Variants in ROBO1 observed in about 807,000 individuals in gnomAD.
ROBO1 encodes the protein roundabout homolog 1.
A neutral mutation model predicts 195.9 loss-of-function variants in ROBO1; 149 were observed. The observed-to-expected ratio is 0.76, with a 90% CI of 0.67 to 0.87. ROBO1 has a LOEUF of 0.87. ROBO1 is among the 40% of genes least tolerant of loss of function. The pLI, the probability that ROBO1 is intolerant of heterozygous loss-of-function variation, is 0.00. For missense variants in ROBO1, 1,933 were observed against 2,068.3 expected (o/e 0.93, Z 1.27); for synonymous variants, 816 against 733.2 (o/e 1.11, Z -1.82).
chr3:78,999,051 A>C (rs1375401057), intron 3 of ROBO1, among the ~76,000 whole-genome samples: 1 of 152,122 alleles, frequency 6.6e-6, no homozygotes, highest in Non-Finnish European at 1.5e-5. Flanking sequence ...GGCTATTATT[A>C]AAGTCAAAAA....
chr3:79,067,437 G>C (rs1348155604), intron 3 of ROBO1, among the ~76,000 whole-genome samples: 2 of 151,888 alleles, frequency 1.3e-5, no homozygotes, highest in African/African-American at 4.8e-5. Flanking sequence ...TTATTGCATA[G>C]GCTAGTAAAA....
chr3:79,488,340 A>T (rs532946993), intron 2 of ROBO1, among the ~76,000 whole-genome samples: 1 of 152,282 alleles, frequency 6.6e-6, no homozygotes, highest in Non-Finnish European at 1.5e-5. Flanking sequence ...TCATCAGATC[A>T]TTTGAATACT....
At chr3:79,090,924 A>C (rs962536613) in intron 3 of ROBO1, among the ~76,000 whole-genome samples, 1 of 151,996 alleles carries the variant, frequency 6.6e-6, no homozygotes, top group Non-Finnish European at 1.5e-5. Flanking sequence ...AGTATGTTTT[A>C]TTTTTCTATT....
chr3:79,084,619 TG>T (rs1456440185), intron 3 of ROBO1, among the ~76,000 whole-genome samples: 6 of 152,226 alleles, frequency 3.9e-5, no homozygotes, highest in Non-Finnish European at 7.3e-5. Flanking sequence ...TCACAACAAA[TG>T]TATTTACATG....
At chr3:79,572,410 T>G (rs1204435844) in intron 2 of ROBO1, among the ~76,000 whole-genome samples, 2 of 152,052 alleles carry the variant, frequency 1.3e-5, no homozygotes, top group African/African-American at 4.8e-5. Flanking sequence ...AAATGTTAAA[T>G]TTTACCTGTA....
intron 1 of ROBO1, among the ~76,000 whole-genome samples, chr3:79,627,442 AG>A (rs1945212284): frequency 1.3e-5 from 2 of 152,190 alleles, no homozygotes; most frequent in African/African-American, 4.8e-5. Context: ...AAAACTGGCT[AG>A]CCATATGCAG....
At chr3:79,659,239 G>T (rs1322421410) in intron 1 of ROBO1, among the ~76,000 whole-genome samples, 1 of 151,880 alleles carries the variant, frequency 6.6e-6, no homozygotes, top group East Asian at 1.9e-4. Flanking sequence ...AAATTATTGA[G>T]ATTTCAATAG....
intron 2 of ROBO1, among the ~76,000 whole-genome samples, chr3:79,238,319 C>T (rs2082451839): frequency 6.6e-6 from 1 of 152,142 alleles, no homozygotes; most frequent in Non-Finnish European, 1.5e-5. Context: ...TCCCATCCTG[C>T]CTCCAAAGTC....
chr3:79,360,726 A>G (rs1358749350), intron 2 of ROBO1, among the ~76,000 whole-genome samples: 1 of 152,066 alleles, frequency 6.6e-6, no homozygotes, highest in African/African-American at 2.4e-5. Flanking sequence ...GCATAATGCC[A>G]TAAGAAACTT....
chr3:79,721,615 A>C (rs1702706851), intron 1 of ROBO1, among the ~76,000 whole-genome samples: 1 of 152,180 alleles, frequency 6.6e-6, no homozygotes, highest in African/African-American at 2.4e-5. Flanking sequence ...ATATCAAATG[A>C]TAGTGTCATC....
chr3:79,271,631 T>C (rs1210386241), intron 2 of ROBO1, among the ~76,000 whole-genome samples: 9 of 152,036 alleles, frequency 5.9e-5, no homozygotes, highest in Non-Finnish European at 1.0e-4. Context: ...TATACAGTCT[T>C]GAACTCCAGT....
At chr3:79,129,213 T>G (rs566899915) in intron 2 of ROBO1, among the ~76,000 whole-genome samples, 1 of 152,176 alleles carries the variant, frequency 6.6e-6, no homozygotes, top group Non-Finnish European at 1.5e-5. Context: ...ATATTTTACA[T>G]AAATATTAAA....
chr3:78,614,784 A>G lies in ROBO1; in HGVS notation c.4299T>C (p.His1433=), dbSNP rs1465089738. ...MQDAAGRRHF[H]ASQCPRPTSP... is the part of the protein sequence containing the mutation. ...TTGTGGGCCTAGGGCACTGAGACGC[A>G]TGAAAATGTCGACGGCCTAAGGAGA... Residue 1433 remains histidine, a synonymous_variant, in exon 28 of 31, where the codon CAT becomes CAC. Coordinates refer to ENST00000464233, the MANE Select transcript of ROBO1 (RefSeq NM_002941.4). 5 of 1,611,560 alleles carry G rather than the reference A, an allele frequency of 3.1e-6. No homozygotes were observed. In the African/African-American group the frequency reaches 5.4e-5, roughly 17 times the overall value.
intron 3 of ROBO1, among the ~76,000 whole-genome samples, chr3:79,114,856 G>A (rs2079961941): frequency 6.6e-6 from 1 of 152,158 alleles, no homozygotes; most frequent in Non-Finnish European, 1.5e-5. Context: ...TTTTGAGTGT[G>A]ATGCAGAACA....
At chr3:78,911,508 A>C (rs1576385944) in intron 4 of ROBO1, among the ~76,000 whole-genome samples, 2 of 151,976 alleles carry the variant, frequency 1.3e-5, no homozygotes, top group African/African-American at 4.8e-5. Flanking sequence ...ATAGATATGA[A>C]CTGTATTCGT....
chr3:79,628,270 A>C (rs937365149), intron 1 of ROBO1, among the ~76,000 whole-genome samples: 1 of 152,040 alleles, frequency 6.6e-6, no homozygotes, highest in Admixed American at 6.6e-5. Flanking sequence ...ATATATCATC[A>C]ATGGTATATA....
chr3:79,344,035 C>T (rs1045738348), intron 2 of ROBO1, among the ~76,000 whole-genome samples: 1 of 152,092 alleles, frequency 6.6e-6, no homozygotes, highest in African/African-American at 2.4e-5. Flanking sequence ...TGGCAAGTTT[C>T]TCAGGTGGTT....
rs78323841 is a variant in ROBO1, at chr3:79,010,407, T to C, written c.173-71480A>G. Among the ~76,000 whole-genome samples, 1,260 of 152,214 alleles carry C rather than the reference T, an allele frequency of 8.3e-3. 20 individuals carry two copies. Among genetic ancestry groups the C allele is most frequent in the African/African-American group, 0.029 (1,197 of 41,554 alleles). On this transcript the variant is annotated intron_variant, in intron 3 of 30. Coordinates refer to ENST00000464233, the MANE Select transcript of ROBO1 (RefSeq NM_002941.4). Reference sequence around the variant, plus strand: ...AATAACAACACATTCATTTCTAATATGATTGTTTTAAGTATTAAATAAGAT... The same window carrying C: ...AATAACAACACATTCATTTCTAATACGATTGTTTTAAGTATTAAATAAGAT...
chr3:79,550,190 A>T (rs1410369341), intron 2 of ROBO1, among the ~76,000 whole-genome samples: 1 of 101,658 alleles, frequency 9.8e-6, no homozygotes, highest in South Asian at 3.7e-4. Context: ...AAAGAAAGAA[A>T]GAAAGGAAAA....
Sources: gnomAD v4.1 joint callset for allele counts (sites outside exome capture counted in the v4.1 genomes callset) on GRCh38, gnomAD v4.1.1 for gene constraint, MANE v1.5 for transcripts, NCBI Gene and HGNC (gene_info 2026-07-23, HGNC 2026-07-21) for gene names.